RAI2: variants seen among roughly 807,000 people sequenced by gnomAD.
The protein encoded by RAI2 is retinoic acid-induced protein 2.
A neutral mutation model predicts 15.3 loss-of-function variants in RAI2; 5 were observed. The ratio of observed to expected loss-of-function variants is 0.33; its 90% CI spans 0.17 to 0.69. RAI2 has a LOEUF of 0.69. Ranked by LOEUF, RAI2 falls within the 30% of genes least tolerant of loss-of-function variation. The probability of loss-of-function intolerance (pLI) is 0.69; values close to 1 mark genes in which losing one functional copy is unlikely to be tolerated. For synonymous variants in RAI2, 191 were observed against 184.0 expected (o/e 1.04, Z -0.31); for missense variants, 424 against 424.7 (o/e 1.00, Z 0.01).
At chrX:17,820,500 G>C (rs5955905) in intron 1 of RAI2, among the ~76,000 whole-genome samples, 3 of 111,710 alleles carry the variant, frequency 2.7e-5, no homozygotes, top group Admixed American at 9.5e-5. Context: ...AAAGGCAAAG[G>C]CCTCCTATTT....
intron 1 of RAI2, among the ~76,000 whole-genome samples, chrX:17,859,056 TG>T (rs749731055): frequency 1.8e-5 from 2 of 111,536 alleles, no homozygotes; most frequent in East Asian, 5.7e-4. Context: ...GTGGCTTCTC[TG>T]GGCTTGTAAG....
intron 1 of RAI2, among the ~76,000 whole-genome samples, chrX:17,859,739 G>A (rs977985451): frequency 8.9e-6 from 1 of 111,964 alleles, no homozygotes; most frequent in Non-Finnish European, 1.9e-5. Flanking sequence ...CCACGACATA[G>A]GGGCACGACG....
chrX:17,838,744 C>A (rs1313416077), intron 1 of RAI2, among the ~76,000 whole-genome samples: 1 of 111,026 alleles, frequency 9.0e-6, no homozygotes, highest in African/African-American at 3.3e-5. Flanking sequence ...CACCACCCTG[C>A]AACACCACAT....
intron 1 of RAI2, among the ~76,000 whole-genome samples, chrX:17,840,415 A>G (rs926862300): frequency 9.0e-6 from 1 of 111,189 alleles, no homozygotes; most frequent in Non-Finnish European, 1.9e-5. Context: ...AGTTGCATCT[A>G]TCGGTGTAAA....
intron 1 of RAI2, among the ~76,000 whole-genome samples, chrX:17,848,054 T>C (rs946034301): frequency 2.7e-5 from 3 of 111,936 alleles, no homozygotes; most frequent in Non-Finnish European, 3.8e-5. Flanking sequence ...ACTTCATGCC[T>C]TTGGAGACTT....
chrX:17,838,658 GCACACACACA>G (rs35063479), intron 1 of RAI2, among the ~76,000 whole-genome samples: 1 of 101,133 alleles, frequency 9.9e-6, no homozygotes, highest in Non-Finnish European at 2.0e-5. Context: ...CACACACACA[GCACACACACA>G]CACACACACA....
chrX:17,830,836 G>GT (rs1423863703), intron 1 of RAI2, among the ~76,000 whole-genome samples: 1 of 112,014 alleles, frequency 8.9e-6, no homozygotes, highest in East Asian at 2.8e-4. Context: ...CTCAGAACAG[G>GT]TAAGTTGGGC....
intron 1 of RAI2, among the ~76,000 whole-genome samples, chrX:17,858,034 T>C (rs1005092030): frequency 1.8e-5 from 2 of 111,025 alleles, no homozygotes; most frequent in Non-Finnish European, 3.8e-5. Flanking sequence ...GGCCTGGAGT[T>C]CCTGGTGTCA....
intron 1 of RAI2, among the ~76,000 whole-genome samples, chrX:17,823,937 C>A (rs923681539): frequency 2.7e-5 from 3 of 111,626 alleles, no homozygotes; most frequent in Non-Finnish European, 5.6e-5. Context: ...CAGACACAAT[C>A]TCAATTCTCT....
In RAI2 at chrX:17,835,929, T is replaced by A. The variant is rs183478817; in HGVS notation, c.-25+25169A>T. On this transcript the variant is annotated intron_variant, in intron 1 of 1. Transcript: ENST00000451717. ...ATGCCCCCAACAAATCAAAACTATTTAACTTTATTGTTTTATTTTTTACAG... is the reference window on the plus strand; with the variant it reads ...ATGCCCCCAACAAATCAAAACTATTAAACTTTATTGTTTTATTTTTTACAG... Among the ~76,000 whole-genome samples, 737 of 112,421 alleles carry A rather than the reference T, an allele frequency of 6.6e-3. 6 individuals are homozygous for A. The highest frequency in any genetic ancestry group is 0.023 in the African/African-American group (712 of 30,953).
intron 1 of RAI2, among the ~76,000 whole-genome samples, chrX:17,850,983 G>A (rs764543880): frequency 2.7e-5 from 3 of 112,768 alleles, no homozygotes; most frequent in South Asian, 7.4e-4. Flanking sequence ...AATCCTGTCC[G>A]ATACAGGCAG....
intron 1 of RAI2, among the ~76,000 whole-genome samples, chrX:17,807,063 C>T (rs984062574): frequency 3.6e-5 from 4 of 111,067 alleles, no homozygotes; most frequent in African/African-American, 1.3e-4. Context: ...TTATCTGAAC[C>T]CCTCATCTAA....
At chrX:17,823,756 G>GC (rs2067196213) in intron 1 of RAI2, among the ~76,000 whole-genome samples, 2 of 111,994 alleles carry the variant, frequency 1.8e-5, no homozygotes, top group African/African-American at 6.5e-5. Flanking sequence ...CCACACCCAA[G>GC]GCCAGTGAAA....
Position 17,801,753 on chromosome X carries a change from G to A in RAI2, c.258C>T (p.Ser86=), listed in dbSNP as rs2066915698. Residue 86 remains serine (S), a synonymous_variant, in exon 2 of 2, where the codon AGC becomes AGT. Transcript: ENST00000451717. ...TVLQPLCLGE[S]PVVMPIHMQV... ...GCATGTGAATGGGCATCACCACTGG[G>A]CTCTCCCCGAGGCACAGGGGCTGCA... 2 of 1,211,750 alleles carry A rather than the reference G, an allele frequency of 1.7e-6. No individual in the cohort carries two copies. The highest frequency in any genetic ancestry group is 2.2e-6 in the Non-Finnish European group (2 of 895,524).
Position 17,800,269 on chromosome X carries a change from C to T in RAI2, c.*149G>A, listed in dbSNP as rs1601894741. ...AAATTAAAAAAGAAAATGATACTAG[C>T]ATACAGGGCCTCTAGAGCCAATTCA... is the stretch of plus-strand genomic sequence containing the variant. On this transcript the variant is annotated 3_prime_UTR_variant, in exon 2 of 2. Coordinates refer to ENST00000451717, the MANE Select transcript of RAI2 (RefSeq NM_021785.6). 5 of 727,826 alleles carry T rather than the reference C, an allele frequency of 6.9e-6. No individual in the cohort carries two copies. The East Asian group carries it at 1.0e-4, about 15-fold the overall frequency. The allele number at this position is 727,826 out of a possible 1,213,427, so 60.0% of individuals were successfully genotyped here.
chrX:17,841,210 C>T (rs1299459667), intron 1 of RAI2, among the ~76,000 whole-genome samples: 1 of 111,282 alleles, frequency 9.0e-6, no homozygotes, highest in African/African-American at 3.3e-5. Flanking sequence ...AAAAACAATG[C>T]CAGCCCCAAG....
At chrX:17,827,303 C>A (rs1339080158) in intron 1 of RAI2, among the ~76,000 whole-genome samples, 2 of 112,113 alleles carry the variant, frequency 1.8e-5, no homozygotes, top group Admixed American at 9.4e-5. Context: ...TTACTGTTGG[C>A]CCATAACCAA....
intron 1 of RAI2, among the ~76,000 whole-genome samples, chrX:17,840,800 T>C (rs2067387999): frequency 8.9e-6 from 1 of 112,081 alleles, no homozygotes; most frequent in Non-Finnish European, 1.9e-5. Context: ...AAAGCTTTTA[T>C]GGTTGGACCA....
Position 17,800,176 on chromosome X carries a change from A to G in RAI2, c.*242T>C, listed in dbSNP as rs1264712487. On this transcript the variant is annotated 3_prime_UTR_variant, in exon 2 of 2. Coordinates refer to ENST00000451717, the MANE Select transcript of RAI2 (RefSeq NM_021785.6). ...TCTAATTCACCCAATATTCCATTAA[A>G]GCTGCAAAAAATGTGCAATCTGCTT... is the stretch of plus-strand genomic sequence containing the variant. The G allele has an allele frequency of 6.4e-5, 23 of 358,770 alleles. No individual in the cohort carries two copies. The highest frequency in any genetic ancestry group is 6.5e-5 in the Non-Finnish European group (14 of 216,231). 29.6% of individuals were successfully genotyped at this position (358,770 alleles called of 1,213,427 possible).
Sources: gnomAD v4.1 joint callset for allele counts (sites outside exome capture counted in the v4.1 genomes callset) on GRCh38, gnomAD v4.1.1 for gene constraint, MANE v1.5 for transcripts, NCBI Gene and HGNC (gene_info 2026-07-23, HGNC 2026-07-21) for gene names.